Variants in AP2A2 observed in about 807,000 individuals in gnomAD.
The protein encoded by AP2A2 is AP-2 complex subunit alpha-2.
In AP2A2, 32 loss-of-function variants were observed where a neutral mutation model predicts 104.2. The ratio of observed to expected loss-of-function variants is 0.31; its 90% CI spans 0.23 to 0.41. The LOEUF (loss-of-function observed/expected upper bound fraction) is 0.41, where lower values mean the gene tolerates loss of function less well. Among genes scored for constraint, AP2A2 ranks in the 10% least tolerant of loss-of-function variants. The probability of loss-of-function intolerance (pLI) is 1.00; values close to 1 mark genes in which losing one functional copy is unlikely to be tolerated. For missense variants in AP2A2, 912 were observed against 1,261.0 expected (o/e 0.72, Z 4.19); for synonymous variants, 539 against 533.3 (o/e 1.01, Z -0.15).
At chr11:1,003,871 C>A in intron 16 of AP2A2, 67 bp downstream of exon 16, 3 of 1,068,218 alleles carry the variant, frequency 2.8e-6, no homozygotes, top group Non-Finnish European at 4.1e-6. Context: ...AAAATATTTG[C>A]AAATCATATA....
At chr11:933,043 G>T (rs1469489819) in intron 1 of AP2A2, among the ~76,000 whole-genome samples, 1 of 152,218 alleles carries the variant, frequency 6.6e-6, no homozygotes, top group Non-Finnish European at 1.5e-5. Context: ...TCCGAGCCAG[G>T]TGGATCACCT....
At chr11:966,874 T>TA (rs1181535586) in intron 2 of AP2A2, among the ~76,000 whole-genome samples, 5 of 151,910 alleles carry the variant, frequency 3.3e-5, no homozygotes, top group African/African-American at 9.7e-5. Context: ...TATTTTGTTA[T>TA]AAAAAAATAC....
intron 1 of AP2A2, among the ~76,000 whole-genome samples, chr11:933,068 G>A (rs1021410084): frequency 6.6e-6 from 1 of 152,168 alleles, no homozygotes; most frequent in African/African-American, 2.4e-5. Context: ...TCGGGAGTTC[G>A]AGACCAGCCT....
At chr11:932,450 G>A (rs1349855499) in intron 1 of AP2A2, among the ~76,000 whole-genome samples, 3 of 152,200 alleles carry the variant, frequency 2.0e-5, no homozygotes, top group Non-Finnish European at 4.4e-5. Flanking sequence ...TCGTGCAGAC[G>A]AGTGAAGATC....
chr11:946,769 T>TTAAAAAAAAAAAAAAAA (rs1564786507), intron 1 of AP2A2: 1 of 40,778 alleles, frequency 2.5e-5, no homozygotes, highest in Non-Finnish European at 6.6e-5. Context: ...AGATCCTGTC[T>TTAAAAAAAAAAAAAAAA]CAAAAAAAAA....
chr11:1,010,358 AG>A (rs989209794), intron 21 of AP2A2, 189 bp from the exon 22 acceptor site: 1 of 597,364 alleles, frequency 1.7e-6, no homozygotes, highest in African/African-American at 1.9e-5. Context: ...ACGAGACGCC[AG>A]GCGCTCCCAT....
In AP2A2 at chr11:1,000,483, G is replaced by A; in HGVS notation, c.2008G>A (p.Ala670Thr). The A allele has an allele frequency of 1.3e-6, 2 of 1,539,226 alleles. No individual in the cohort carries two copies. The highest frequency in any genetic ancestry group is 8.7e-7 in the Non-Finnish European group (1 of 1,146,922). Residue 670 changes from alanine to threonine, a missense_variant, in exon 15 of 22, where the codon GCC (alanine) becomes ACC (threonine). Coordinates refer to ENST00000448903, the MANE Select transcript of AP2A2 (RefSeq NM_012305.4). The part of the protein sequence containing the change: ...DLLGLGAAPP[A>T]PAGPPPSSGG... Reference sequence around the variant, plus strand: ...GCTGGGTCTCGGGGCTGCCCCCCCTGCCCCCGCGGGCCCCCCACCCTCCTC... The same window carrying A: ...GCTGGGTCTCGGGGCTGCCCCCCCTACCCCCGCGGGCCCCCCACCCTCCTC...
chr11:973,379 A>T (rs187944150), intron 4 of AP2A2, among the ~76,000 whole-genome samples: 53 of 152,244 alleles, frequency 3.5e-4, no homozygotes, highest in Non-Finnish European at 5.9e-4. Flanking sequence ...TGAGGTGAGG[A>T]CGTCCCACAA....
intron 2 of AP2A2, 64 bp downstream of exon 2, chr11:959,569 T>A: frequency 9.4e-7 from 1 of 1,061,404 alleles, no homozygotes; most frequent in Non-Finnish European, 1.4e-6. Context: ...AAGAACCCAG[T>A]CTTTTAATAC....
chr11:950,765 A>C (rs1854024993), intron 1 of AP2A2, among the ~76,000 whole-genome samples: 2 of 152,208 alleles, frequency 1.3e-5, no homozygotes, highest in Admixed American at 1.3e-4. Context: ...ATATATAAAA[A>C]ACTTCATGAA....
At chr11:949,723 C>T (rs149556556) in intron 1 of AP2A2, among the ~76,000 whole-genome samples, 11 of 151,014 alleles carry the variant, frequency 7.3e-5, no homozygotes, top group Non-Finnish European at 1.2e-4. Flanking sequence ...GGCAGTGAGC[C>T]GAGATCACGC....
In AP2A2 at chr11:978,453, C is replaced by T. The variant is rs532109049; in HGVS notation, c.603+1229C>T. ...CCTTGGATACTTTATGATTCTGTGA[C>T]GCCAGCTACTTGGTTTGCTTTTTGT... On this transcript the variant is annotated intron_variant, in intron 5 of 21. Transcript: ENST00000448903. 4.6e-5 allele frequency among the ~76,000 whole-genome samples: 7 copies of T among 152,306 alleles called. No homozygotes were observed. The South Asian group carries it at 8.3e-4, about 18-fold the overall frequency.
At chr11:933,470 G>T in intron 1 of AP2A2, 1 of 451,172 alleles carries the variant, frequency 2.2e-6, no homozygotes, top group South Asian at 1.6e-5. Context: ...AGAATTTCCG[G>T]GTGGGTGGGA....
chr11:976,100 G>A (rs749434302), intron 4 of AP2A2, among the ~76,000 whole-genome samples: 12 of 152,158 alleles, frequency 7.9e-5, no homozygotes, highest in South Asian at 2.1e-4. Flanking sequence ...CCCTGCTGGC[G>A]CCTGGAACAC....
chr11:986,433 C>G (rs1855459739), intron 8 of AP2A2, among the ~76,000 whole-genome samples: 1 of 152,264 alleles, frequency 6.6e-6, no homozygotes, highest in Non-Finnish European at 1.5e-5. Context: ...TCTCCCTGCC[C>G]TGGGCTGGTG....
chr11:1,009,706 T>C lies in AP2A2; in HGVS notation c.2631T>C (p.Leu877=), dbSNP rs1017803288. 1.9e-6 allele frequency: 3 copies of C among 1,571,660 alleles called. No homozygotes were observed. Among genetic ancestry groups the C allele is most frequent in the Non-Finnish European group, 2.6e-6 (3 of 1,157,418 alleles). ...AGATCATTGGATTTGGTTCTGCACT[T>C]CTTGAAGAAGTTGATCCTAATCCTG... is the stretch of plus-strand genomic sequence containing the variant. The part of the protein sequence containing the change: ...KAKIIGFGSA[L]LEEVDPNPAN... Residue 877 remains leucine, a synonymous_variant, in exon 21 of 22, where the codon CTT becomes CTC. Coordinates refer to ENST00000448903, the MANE Select transcript of AP2A2 (RefSeq NM_012305.4).
chr11:999,050 A>G (rs772698897), intron 14 of AP2A2, among the ~76,000 whole-genome samples: 8 of 152,164 alleles, frequency 5.3e-5, no homozygotes, highest in Non-Finnish European at 1.0e-4. Context: ...GCTGTGGGGC[A>G]GGACCCGTGG....
chr11:985,561 G>T lies in AP2A2; in HGVS notation c.941G>T (p.Ser314Ile). The T allele has an allele frequency of 4.3e-6, 7 of 1,613,946 alleles. No homozygotes were observed. The highest frequency in any genetic ancestry group is 5.9e-6 in the Non-Finnish European group (7 of 1,179,894). ...AATGCCGTGCTCTTCGAGGCCATCA[G>T]CTTAATCATTCACCATGACAGGTGT... ...AKNAVLFEAI[S>I]LIIHHDSEPN... The change falls in exon 8 of 22, where the codon AGC becomes ATC. Residue 314 changes from serine to isoleucine, a missense_variant. Around this residue, in one of 7 missense-constraint regions of AP2A2, gnomAD observed 350 missense variants for 487.0 expected, o/e 0.72. Transcript: ENST00000448903.
At chr11:1,000,833 A>C (rs1564820412) in intron 15 of AP2A2, among the ~76,000 whole-genome samples, 1 of 152,170 alleles carries the variant, frequency 6.6e-6, no homozygotes, top group Non-Finnish European at 1.5e-5. Flanking sequence ...AAAGGAGGAC[A>C]TGAAAGAAAC....
Sources: gnomAD v4.1 joint callset for allele counts (sites outside exome capture counted in the v4.1 genomes callset) on GRCh38, gnomAD v4.1.1 for gene constraint, gnomAD v4.1.1 regional missense constraint, MANE v1.5 for transcripts, NCBI Gene and HGNC (gene_info 2026-07-23, HGNC 2026-07-21) for gene names.